TFDP2: variants seen among roughly 807,000 people sequenced by gnomAD.
The protein encoded by TFDP2 is transcription factor Dp-2 (E2F dimerization partner 2).
TFDP2 carries 17 observed loss-of-function variants against 59.3 expected under a neutral mutation model. The ratio of observed to expected loss-of-function variants is 0.29; its 90% CI spans 0.20 to 0.43. The LOEUF (loss-of-function observed/expected upper bound fraction) is 0.43, where lower values mean the gene tolerates loss of function less well. TFDP2 is among the 20% of genes least tolerant of loss of function. TFDP2 has a pLI of 1.00. For synonymous variants in TFDP2, 180 were observed against 194.7 expected (o/e 0.92, Z 0.63); for missense variants, 391 against 528.8 (o/e 0.74, Z 2.56).
chr3:142,138,925 G>A (rs911372482), intron 1 of TFDP2, among the ~76,000 whole-genome samples: 2 of 152,156 alleles, frequency 1.3e-5, no homozygotes, highest in African/African-American at 4.8e-5. Flanking sequence ...GGATATCTTT[G>A]TTAGTCTTCT....
intron 1 of TFDP2, among the ~76,000 whole-genome samples, chr3:142,104,603 A>G (rs1339671131): frequency 6.6e-6 from 1 of 152,320 alleles, no homozygotes; most frequent in East Asian, 1.9e-4. Context: ...ATATTTAGCT[A>G]TATTATTAAA....
intron 3 of TFDP2, among the ~76,000 whole-genome samples, chr3:142,037,645 T>C (rs188110222): frequency 2.6e-5 from 4 of 152,270 alleles, no homozygotes; most frequent in Admixed American, 2.0e-4. Flanking sequence ...GGGGGAAAAG[T>C]AATTTACTAG....
At chr3:142,117,070 C>A (rs1471338598) in intron 1 of TFDP2, among the ~76,000 whole-genome samples, 1 of 151,980 alleles carries the variant, frequency 6.6e-6, no homozygotes, top group Admixed American at 6.6e-5. Flanking sequence ...TACAGGTGTG[C>A]ACCACCACCC....
intron 10 of TFDP2, among the ~76,000 whole-genome samples, chr3:141,962,428 G>A (rs188566342): frequency 2.1e-4 from 32 of 151,140 alleles, no homozygotes; most frequent in Admixed American, 2.0e-3. Flanking sequence ...GCACAATCTC[G>A]GTTCACTGCA....
chr3:142,003,978 AAATTTGAGTATGTTTAATTTTGG>A (rs1448712789), intron 4 of TFDP2, among the ~76,000 whole-genome samples: 1 of 152,228 alleles, frequency 6.6e-6, no homozygotes, highest in African/African-American at 2.4e-5. Flanking sequence ...AGACTCATAA[AAATTTGAGTATGTTTAATTTTGG>A]TGCTTATATA....
chr3:141,969,961 C>G (rs1358405654), intron 9 of TFDP2, 112 bp downstream of exon 9: 15 of 1,004,618 alleles, frequency 1.5e-5, no homozygotes, highest in Non-Finnish European at 1.9e-5. Flanking sequence ...GCTGCCCTGG[C>G]GTGGGCTCAC....
intron 3 of TFDP2, among the ~76,000 whole-genome samples, chr3:142,024,470 G>A (rs1945905248): frequency 6.6e-6 from 1 of 152,068 alleles, no homozygotes; most frequent in Admixed American, 6.5e-5. Flanking sequence ...AGAAATATAG[G>A]CATCAGGCAC....
intron 4 of TFDP2, among the ~76,000 whole-genome samples, chr3:141,995,849 C>A (rs11569195): frequency 0.072 from 10,205 of 141,840 alleles, 454 homozygotes; most frequent in Middle Eastern, 0.11. Flanking sequence ...CGCCACTGCA[C>A]TCCAGCCTGG....
chr3:142,049,418 T>G (rs1947501215), intron 3 of TFDP2, among the ~76,000 whole-genome samples: 1 of 152,138 alleles, frequency 6.6e-6, no homozygotes, highest in Non-Finnish European at 1.5e-5. Flanking sequence ...AATTCAACAA[T>G]TATTCATGAC....
chr3:141,995,953 A>G (rs1453082470), intron 4 of TFDP2, among the ~76,000 whole-genome samples: 1 of 151,686 alleles, frequency 6.6e-6, no homozygotes, highest in Non-Finnish European at 1.5e-5. Flanking sequence ...TTTAAAGACC[A>G]TAAAACATTC....
intron 3 of TFDP2, among the ~76,000 whole-genome samples, chr3:142,041,431 T>A (rs1946964691): frequency 6.6e-6 from 1 of 152,186 alleles, no homozygotes; most frequent in South Asian, 2.1e-4. Context: ...GCTGTTCTCA[T>A]GATAGTGAAT....
chr3:142,024,758 G>A (rs774703757), intron 3 of TFDP2, among the ~76,000 whole-genome samples: 9 of 152,132 alleles, frequency 5.9e-5, no homozygotes, highest in Non-Finnish European at 1.0e-4. Context: ...AATGGCTCAT[G>A]CCTGTAATCC....
chr3:142,012,001 TTC>T (rs1944748627), intron 3 of TFDP2, among the ~76,000 whole-genome samples: 1 of 149,774 alleles, frequency 6.7e-6, no homozygotes, highest in Non-Finnish European at 1.5e-5. Flanking sequence ...ACACTTTTTT[TTC>T]TTTCTTTCTT....
chr3:142,120,462 G>C (rs571136307), intron 1 of TFDP2, among the ~76,000 whole-genome samples: 1 of 152,242 alleles, frequency 6.6e-6, no homozygotes, highest in African/African-American at 2.4e-5. Flanking sequence ...AAAACTGAAA[G>C]ATTCACATCA....
At chr3:142,024,316 G>A (rs1945895152) in intron 3 of TFDP2, among the ~76,000 whole-genome samples, 1 of 152,176 alleles carries the variant, frequency 6.6e-6, no homozygotes, top group South Asian at 2.1e-4. Flanking sequence ...TTGGTTTCTT[G>A]AAACTTGGTA....
chr3:142,126,798 T>C (rs911599802), intron 1 of TFDP2, among the ~76,000 whole-genome samples: 4 of 151,504 alleles, frequency 2.6e-5, no homozygotes, highest in African/African-American at 9.7e-5. Context: ...AATACAAAAA[T>C]TAGCCAGGCA....
At chr3:141,973,121 A>ATTTT (rs1231433469) in intron 8 of TFDP2, among the ~76,000 whole-genome samples, 1 of 57,422 alleles carries the variant, frequency 1.7e-5, no homozygotes, top group Non-Finnish European at 4.1e-5. Context: ...ATATATATAT[A>ATTTT]TATTTTTTTT....
At chr3:142,033,323 C>A (rs557425380) in intron 3 of TFDP2, among the ~76,000 whole-genome samples, 1 of 152,208 alleles carries the variant, frequency 6.6e-6, no homozygotes, top group South Asian at 2.1e-4. Context: ...AGATATAGAA[C>A]ATTTCCATCA....
chr3:142,011,294 C>T (rs1350922635), intron 3 of TFDP2, among the ~76,000 whole-genome samples: 1 of 111,000 alleles, frequency 9.0e-6, no homozygotes, highest in Admixed American at 9.8e-5. Context: ...TTTGTAGGGA[C>T]ATGGATGAAA....
Sources: allele counts gnomAD v4.1 joint callset (sites outside exome capture counted in the v4.1 genomes callset), GRCh38; gene constraint gnomAD v4.1.1; transcripts MANE v1.5; gene names NCBI Gene and HGNC (gene_info 2026-07-23, HGNC 2026-07-21).